WDR70: variants seen among roughly 807,000 people sequenced by gnomAD.
The protein encoded by WDR70 is WD repeat domain 70, also known as WD repeat-containing protein 70.
A neutral mutation model predicts 88.6 loss-of-function variants in WDR70; 53 were observed. The ratio of observed to expected loss-of-function variants is 0.60; its 90% CI spans 0.48 to 0.75. The LOEUF (loss-of-function observed/expected upper bound fraction) is 0.75. Among genes scored for constraint, WDR70 ranks in the 30% least tolerant of loss-of-function variants. WDR70 has a pLI of 0.00. For synonymous variants in WDR70, 280 were observed against 270.0 expected (o/e 1.04, Z -0.36); for missense variants, 610 against 823.2 (o/e 0.74, Z 3.17).
intron 8 of WDR70, among the ~76,000 whole-genome samples, chr5:37,513,294 A>T (rs543754050): frequency 6.6e-6 from 1 of 152,328 alleles, no homozygotes; most frequent in South Asian, 2.1e-4. Flanking sequence ...AGCAAGTGGC[A>T]TGTAAACTGA....
At chr5:37,395,193 G>C (rs1180980926) in intron 4 of WDR70, among the ~76,000 whole-genome samples, 1 of 152,118 alleles carries the variant, frequency 6.6e-6, no homozygotes, top group Non-Finnish European at 1.5e-5. Flanking sequence ...CAGGTGGAGG[G>C]GTGGTAGATG....
chr5:37,676,548 G>T (rs373111893), intron 10 of WDR70, among the ~76,000 whole-genome samples: 1 of 151,038 alleles, frequency 6.6e-6, no homozygotes, highest in African/African-American at 2.4e-5. Flanking sequence ...ATTGATTTGC[G>T]TATATTGAAC....
chr5:37,745,457 C>A (rs1324017914), intron 17 of WDR70, among the ~76,000 whole-genome samples: 1 of 151,552 alleles, frequency 6.6e-6, no homozygotes, highest in Non-Finnish European at 1.5e-5. Context: ...CTAAATGTCC[C>A]AATTAAAAGA....
chr5:37,626,564 T>C (rs1581446437), intron 10 of WDR70, among the ~76,000 whole-genome samples: 1 of 152,302 alleles, frequency 6.6e-6, no homozygotes, highest in Non-Finnish European at 1.5e-5. Context: ...ATACTGGCTG[T>C]AGTTTTCCGC....
rs149992208 is a variant in WDR70 at position 37,697,725 on chromosome 5, A to G, written c.1163A>G (p.Tyr388Cys). Residue 388 changes from tyrosine to cysteine, a missense_variant, in exon 11 of 18, where the codon TAT becomes TGT. This residue lies in a region of WDR70 where 254 missense variants were observed against 300.7 expected (regional missense o/e 0.84). Coordinates refer to ENST00000265107, the MANE Select transcript of WDR70 (RefSeq NM_018034.4). ...GTDTSCVTFS[Y>C]DGNVLASRGG... ...GACACTTCTTGCGTGACTTTTTCCT[A>G]TGATGGTAATGTCCTTGCCTCTCGT... 528 of 1,613,580 alleles carry G rather than the reference A, an allele frequency of 3.3e-4. No individual in the cohort carries two copies. The highest frequency in any genetic ancestry group is 8.3e-4 in the Admixed American group (50 of 59,988).
chr5:37,524,667 A>G (rs940521411), intron 9 of WDR70, among the ~76,000 whole-genome samples: 1 of 152,294 alleles, frequency 6.6e-6, no homozygotes, highest in African/African-American at 2.4e-5. Flanking sequence ...AAATGCTCCA[A>G]TTAAAAGACA....
At chr5:37,612,741 G>T (rs1469714636) in intron 10 of WDR70, among the ~76,000 whole-genome samples, 1 of 152,162 alleles carries the variant, frequency 6.6e-6, no homozygotes, top group Non-Finnish European at 1.5e-5. Flanking sequence ...GCTCCAGCCA[G>T]TCATTCATTG....
At chr5:37,737,533 C>T (rs927642709) in intron 17 of WDR70, among the ~76,000 whole-genome samples, 2 of 152,350 alleles carry the variant, frequency 1.3e-5, no homozygotes, top group East Asian at 3.9e-4. Context: ...CCGCCACCCC[C>T]TGGCGAGTTA....
intron 10 of WDR70, among the ~76,000 whole-genome samples, chr5:37,621,170 C>T (rs1265822089): frequency 6.6e-6 from 1 of 152,048 alleles, no homozygotes. Flanking sequence ...CAATCCAGTC[C>T]AATTTCTCGA....
At chr5:37,724,809 T>G in intron 15 of WDR70, 125 bp from the exon 16 acceptor site, 1 of 964,650 alleles carries the variant, frequency 1.0e-6, no homozygotes. Flanking sequence ...AGACTGTCTT[T>G]TATTATCAGA....
In WDR70 at chr5:37,380,651, C is replaced by CT. The variant is rs551617102; in HGVS notation, c.92-944dup. Among the ~76,000 whole-genome samples, 897 of 151,696 alleles carry CT rather than the reference C, an allele frequency of 5.9e-3. 3 individuals are homozygous for CT. The highest frequency in any genetic ancestry group is 1.0e-2 in the Non-Finnish European group (677 of 67,892). On this transcript the variant is annotated intron_variant, in intron 2 of 17. Transcript: ENST00000265107. ...GCCACTGTGCCCAGCCTTTTCTATT[C>CT]TTTTTTTATTTTTTGAGATGGAGTC...
chr5:37,384,070 C>T (rs184378081), intron 3 of WDR70, among the ~76,000 whole-genome samples: 16 of 151,068 alleles, frequency 1.1e-4, no homozygotes, highest in Admixed American at 7.9e-4. Context: ...TACCTTAAAA[C>T]GATAAGGATT....
chr5:37,747,646 G>C (rs1748671715), intron 17 of WDR70, among the ~76,000 whole-genome samples: 2 of 152,110 alleles, frequency 1.3e-5, no homozygotes, highest in African/African-American at 4.8e-5. Context: ...GGAAATTCTG[G>C]CTGGGGCAAT....
At chr5:37,708,215 C>T (rs1004252799) in intron 13 of WDR70, among the ~76,000 whole-genome samples, 1 of 150,642 alleles carries the variant, frequency 6.6e-6, no homozygotes, top group African/African-American at 2.4e-5. Context: ...AATATGCATA[C>T]CTCATTCATG....
chr5:37,714,063 G>A (rs12651803), intron 13 of WDR70, among the ~76,000 whole-genome samples: 65,701 of 152,008 alleles, frequency 0.43, 15,831 homozygotes, highest in Non-Finnish European at 0.54. Context: ...CCAAAGGACT[G>A]AATAAAAGAG....
chr5:37,513,033 T>C (rs1740767800), intron 8 of WDR70, among the ~76,000 whole-genome samples: 1 of 152,240 alleles, frequency 6.6e-6, no homozygotes, highest in Non-Finnish European at 1.5e-5. Flanking sequence ...TTCTGTTTAT[T>C]CTTTCAGTAT....
chr5:37,385,166 A>C (rs1017498670), intron 3 of WDR70, among the ~76,000 whole-genome samples: 1 of 152,130 alleles, frequency 6.6e-6, no homozygotes, highest in Non-Finnish European at 1.5e-5. Flanking sequence ...CTCTGGGTGC[A>C]CCAACTCCCC....
intron 9 of WDR70, among the ~76,000 whole-genome samples, chr5:37,548,875 C>T (rs2112344233): frequency 1.3e-5 from 2 of 152,258 alleles, no homozygotes; most frequent in South Asian, 4.1e-4. Context: ...ATCCAGTTTT[C>T]CCAGTCCATT....
intron 5 of WDR70, among the ~76,000 whole-genome samples, chr5:37,406,118 A>G (rs773168803): frequency 1.6e-4 from 24 of 152,186 alleles, no homozygotes; most frequent in Non-Finnish European, 2.9e-4. Context: ...ACTAAGGAAA[A>G]CAAATTAAGT....
Sources: gnomAD v4.1 joint callset for allele counts (sites outside exome capture counted in the v4.1 genomes callset) on GRCh38, gnomAD v4.1.1 for gene constraint, gnomAD v4.1.1 regional missense constraint, MANE v1.5 for transcripts, NCBI Gene and HGNC (gene_info 2026-07-23, HGNC 2026-07-21) for gene names.